The following CDYL2 variants were observed in gnomAD, a reference collection of about 807,000 sequenced individuals.
The protein encoded by CDYL2 is chromodomain Y like 2.
A neutral mutation model predicts 49.4 loss-of-function variants in CDYL2; 23 were observed. The ratio of observed to expected loss-of-function variants is 0.47; its 90% CI spans 0.34 to 0.66. The LOEUF (loss-of-function observed/expected upper bound fraction) is 0.66. CDYL2 is among the 30% of genes least tolerant of loss of function. CDYL2 has a pLI of 0.01. For missense variants in CDYL2, 678 were observed against 656.4 expected, an observed-to-expected ratio of 1.03 and a Z score of -0.36; for synonymous variants, 360 against 268.8, an observed-to-expected ratio of 1.34 and a Z score of -3.32.
intron 3 of CDYL2, among the ~76,000 whole-genome samples, chr16:80,622,572 T>A (rs759580494): frequency 1.3e-4 from 20 of 152,330 alleles, no homozygotes; most frequent in Non-Finnish European, 2.5e-4. Context: ...CTCCAGTGTA[T>A]ACTCAGAGCC....
At position 80,609,277 on chromosome 16, in the gene CDYL2, G is replaced by T. The variant is rs116217604; in HGVS notation, c.1219-1042C>A. 9.3e-3 allele frequency among the ~76,000 whole-genome samples: 1,409 copies of T among 152,296 alleles called. 25 individuals are homozygous for T. Among genetic ancestry groups the T allele is most frequent in the African/African-American group, 0.032 (1,350 of 41,570 alleles). ...GCATAATGGTCAAATCCATGTGATA[G>T]GGTCCGCACGGCCGGCAACGCCTTC... On this transcript the variant is annotated intron_variant, in intron 5 of 6. Transcript: ENST00000570137.
At chr16:80,658,544 T>C (rs771282103) in intron 2 of CDYL2, among the ~76,000 whole-genome samples, 40 of 152,256 alleles carry the variant, frequency 2.6e-4, no homozygotes, top group Non-Finnish European at 4.7e-4. Context: ...AGTAAATATA[T>C]GATATTGTGG....
intron 4 of CDYL2, among the ~76,000 whole-genome samples, chr16:80,620,095 G>C (rs1388891500): frequency 6.6e-6 from 1 of 152,234 alleles, no homozygotes; most frequent in Non-Finnish European, 1.5e-5. Context: ...GGTGACAGCT[G>C]TAAACCAGCT....
At chr16:80,623,404 T>C (rs995602623) in intron 3 of CDYL2, among the ~76,000 whole-genome samples, 2 of 151,514 alleles carry the variant, frequency 1.3e-5, no homozygotes, top group Non-Finnish European at 2.9e-5. Flanking sequence ...GCATGGCACA[T>C]ACCCTGCAAG....
chr16:80,616,443 G>C (rs1054957330), intron 4 of CDYL2, among the ~76,000 whole-genome samples: 6 of 152,178 alleles, frequency 3.9e-5, no homozygotes, highest in African/African-American at 1.4e-4. Context: ...CTAGGCTACA[G>C]GTGACCCAGC....
At chr16:80,722,808 A>T (rs1209290237) in intron 1 of CDYL2, among the ~76,000 whole-genome samples, 1 of 152,344 alleles carries the variant, frequency 6.6e-6, no homozygotes, top group South Asian at 2.1e-4. Flanking sequence ...CCATGCCAGG[A>T]GACAGACTAC....
intron 2 of CDYL2, among the ~76,000 whole-genome samples, chr16:80,661,429 G>A (rs965242363): frequency 6.6e-6 from 1 of 152,160 alleles, no homozygotes; most frequent in South Asian, 2.1e-4. Context: ...ACAAGTTGCT[G>A]AGTGCCTACT....
rs1329960351 is a variant in CDYL2 at position 80,772,229 on chromosome 16, G to GT, written c.24+31920dup. On this transcript the variant is annotated intron_variant, in intron 1 of 6. Coordinates refer to ENST00000570137, the MANE Select transcript of CDYL2 (RefSeq NM_152342.4). Reference sequence around the variant, plus strand: ...TTTACTAAAGGTAATAAAAAAGAGTGTTTTTTAGAAAATAATTTCAGGTAG... The same window carrying GT: ...TTTACTAAAGGTAATAAAAAAGAGTGTTTTTTTAGAAAATAATTTCAGGTAG... Among the ~76,000 whole-genome samples the GT allele has an allele frequency of 3.3e-5, 5 of 152,120 alleles. No homozygotes were observed. The South Asian group carries it at 1.0e-3, about 31-fold the overall frequency.
chr16:80,614,869 GAAAAAAAAAAAA>G (rs57112645), intron 4 of CDYL2, among the ~76,000 whole-genome samples: 8 of 71,346 alleles, frequency 1.1e-4, no homozygotes, highest in African/African-American at 3.1e-4. Context: ...GTCTCAGGGA[GAAAAAAAAAAAA>G]AAAAAAAAAA....
chr16:80,681,431 A>C (rs1383265006), intron 2 of CDYL2, among the ~76,000 whole-genome samples: 2 of 152,198 alleles, frequency 1.3e-5, no homozygotes, highest in African/African-American at 4.8e-5. Flanking sequence ...CTCTGGCTGA[A>C]AACACACATG....
intron 1 of CDYL2, among the ~76,000 whole-genome samples, chr16:80,767,280 T>C (rs1449705606): frequency 6.6e-6 from 1 of 152,180 alleles, no homozygotes; most frequent in Non-Finnish European, 1.5e-5. Context: ...CACAGAATTT[T>C]TCAAAGAAAA....
chr16:80,661,872 T>C (rs971216002), intron 2 of CDYL2, among the ~76,000 whole-genome samples: 2 of 152,168 alleles, frequency 1.3e-5, no homozygotes, highest in African/African-American at 4.8e-5. Flanking sequence ...TATTCACCTG[T>C]GTGTCTGCAA....
At chr16:80,738,975 T>C (rs1386465374) in intron 1 of CDYL2, among the ~76,000 whole-genome samples, 1 of 152,190 alleles carries the variant, frequency 6.6e-6, no homozygotes, top group Non-Finnish European at 1.5e-5. Flanking sequence ...AGAGGAGTAT[T>C]TCACAAGGTG....
chr16:80,695,694 A>G (rs1331845019), intron 1 of CDYL2, among the ~76,000 whole-genome samples: 2 of 152,242 alleles, frequency 1.3e-5, no homozygotes, highest in Non-Finnish European at 2.9e-5. Context: ...TCAATTCAGC[A>G]AAAGGAAATT....
intron 2 of CDYL2, chr16:80,670,801 G>A: frequency 2.4e-6 from 1 of 408,720 alleles, no homozygotes; most frequent in Admixed American, 2.7e-5. Flanking sequence ...CTCGAGGCTG[G>A]CGCTCCCAGG....
intron 1 of CDYL2, among the ~76,000 whole-genome samples, chr16:80,724,908 G>T (rs1252069164): frequency 6.6e-6 from 1 of 152,192 alleles, no homozygotes; most frequent in Non-Finnish European, 1.5e-5. Context: ...CTTTTAAACT[G>T]TAAAGCCAAC....
At chr16:80,728,909 T>A (rs1244747711) in intron 1 of CDYL2, among the ~76,000 whole-genome samples, 2 of 150,044 alleles carry the variant, frequency 1.3e-5, no homozygotes, top group East Asian at 3.9e-4. Flanking sequence ...GCTGAGAGAT[T>A]TTGTCACCAC....
chr16:80,639,782 T>C (rs1739395901), intron 2 of CDYL2: 2 of 454,572 alleles, frequency 4.4e-6, no homozygotes, highest in Non-Finnish European at 8.8e-6. Flanking sequence ...TAGTGTGGTA[T>C]GGAAAGCACG....
chr16:80,691,130 C>A (rs1458046765), intron 1 of CDYL2, among the ~76,000 whole-genome samples: 9 of 152,158 alleles, frequency 5.9e-5, no homozygotes, highest in African/African-American at 1.9e-4. Context: ...GAGCAGCCAT[C>A]CCTGGCCAGA....
Sources: gnomAD v4.1 joint callset for allele counts (sites outside exome capture counted in the v4.1 genomes callset) on GRCh38, gnomAD v4.1.1 for gene constraint, MANE v1.5 for transcripts, NCBI Gene and HGNC (gene_info 2026-07-23, HGNC 2026-07-21) for gene names.